STC1: variants seen among roughly 807,000 people sequenced by gnomAD.
STC1 encodes the protein stanniocalcin 1.
STC1 carries 7 observed loss-of-function variants against 22.6 expected under a neutral mutation model. The ratio of observed to expected loss-of-function variants is 0.31; its 90% confidence interval spans 0.18 to 0.58. STC1 has a LOEUF of 0.58. Ranked by LOEUF, STC1 falls within the 20% of genes least tolerant of loss-of-function variation. STC1 has a pLI of 0.89. For synonymous variants in STC1, 113 were observed against 120.7 expected, an observed-to-expected ratio of 0.94 and a Z score of 0.42; for missense variants, 224 against 311.0, an observed-to-expected ratio of 0.72 and a Z score of 2.10.
chr8:23,845,094 A>T, intron 3 of STC1, 54 bp from the exon 4 acceptor site: 1 of 1,584,050 alleles, frequency 6.3e-7, no homozygotes. Flanking sequence ...GCCCGGCGAG[A>T]CCCAGGCTTT....
At chr8:23,845,087 C>T (rs373827039) in intron 3 of STC1, 47 bp from the exon 4 acceptor site, 80 of 1,592,972 alleles carry the variant, frequency 5.0e-5, no homozygotes, top group African/African-American at 1.9e-4. Flanking sequence ...AGTGAGAGCC[C>T]GGCGAGACCC....
chr8:23,851,578 A>T, intron 2 of STC1, 47 bp from the exon 3 acceptor site: 1 of 1,581,154 alleles, frequency 6.3e-7, no homozygotes, highest in East Asian at 2.2e-5. Context: ...TTGACCTGAC[A>T]AAGAGGATGG....
At chr8:23,845,965 C>T (rs1314085234) in intron 3 of STC1, among the ~76,000 whole-genome samples, 2 of 152,172 alleles carry the variant, frequency 1.3e-5, no homozygotes, top group Non-Finnish European at 2.9e-5. Flanking sequence ...TTACTGAAGG[C>T]AGGATTTGTG....
In STC1 at chr8:23,852,363, T is replaced by C. The variant is rs531503847; in HGVS notation, c.140A>G (p.Asn47Ser). The change falls in exon 2 of 4, where the codon AAC (asparagine) becomes AGC (serine). Residue 47 changes from asparagine to serine, a missense_variant. Transcript: ENST00000290271. ...CCCGCAGCCGACCTGTAGAGCACTG[T>C]TGAGGCAACGAACCACTTCAGCTGA... ...QNSAEVVRCLNSALQVGCGAF... is the reference protein window; with the variant it reads ...QNSAEVVRCLSSALQVGCGAF... The C allele has an allele frequency of 5.2e-5, 83 of 1,606,322 alleles. No homozygotes were observed. In the South Asian group the frequency reaches 6.7e-4, roughly 13 times the overall value.
At chr8:23,854,314 C>A in intron 1 of STC1, 92 bp downstream of exon 1, 1 of 1,199,356 alleles carries the variant, frequency 8.3e-7, no homozygotes. Context: ...CATTTATTAT[C>A]AAGATCAGCC....
chr8:23,850,508 C>T (rs551183459), intron 3 of STC1, among the ~76,000 whole-genome samples: 3 of 152,280 alleles, frequency 2.0e-5, no homozygotes, highest in Admixed American at 2.0e-4. Context: ...TTGCTGGGAA[C>T]CTTTCCAGGC....
rs1373703492 is a variant in STC1 at position 23,854,555 on chromosome 8, T to G, written c.-32A>C. The stretch of plus-strand genomic sequence containing the variant: ...AGAAGTTTCCGCTAAGTTGTTGGGT[T>G]TTTTTTTTTTCCTGCCCCCCTTTCC... On this transcript the variant is annotated 5_prime_UTR_variant, in exon 1 of 4. Coordinates refer to ENST00000290271, the MANE Select transcript of STC1 (RefSeq NM_003155.3). The G allele has an allele frequency of 1.3e-6, 2 of 1,513,426 alleles. No individual in the cohort carries two copies. Among genetic ancestry groups the G allele is most frequent in the Non-Finnish European group, 1.8e-6 (2 of 1,099,720 alleles). 93.7% of individuals were successfully genotyped at this position (1,513,426 alleles called of 1,614,324 possible). A position where few individuals can be genotyped will look rare whatever the true frequency, so the allele number is the denominator to read the frequency against.
In STC1 at chr8:23,844,498, G is replaced by GA. The variant is rs3840699; in HGVS notation, c.*271dup. 1 of 472,004 alleles carries GA rather than the reference G, an allele frequency of 2.1e-6. No homozygotes were observed. The highest frequency in any genetic ancestry group is 2.6e-5 in the South Asian group (1 of 38,888). 29.2% of individuals were successfully genotyped at this position (472,004 alleles called of 1,614,324 possible). The stretch of plus-strand genomic sequence containing the variant: ...TGGGGGTGGTCTCAGGGGAGCAGGG[G>GA]AAAAACATGGCAGAGGAAGTTGGTA... On this transcript the variant is annotated 3_prime_UTR_variant, in exon 4 of 4. Transcript: ENST00000290271.
rs1213143478 is a variant in STC1 at position 23,841,989 on chromosome 8, T to G, written c.*2781A>C. On this transcript the variant is annotated 3_prime_UTR_variant, in exon 4 of 4. Coordinates refer to ENST00000290271, the MANE Select transcript of STC1 (RefSeq NM_003155.3). ...AAGGAATTCACCAAAGGCTTCATATTATGCTATGGCATCTTTAATTATAAA... is the reference window on the plus strand; with the variant it reads ...AAGGAATTCACCAAAGGCTTCATATGATGCTATGGCATCTTTAATTATAAA... The G allele has an allele frequency of 2.0e-5, 3 of 152,630 alleles. No homozygotes were observed. The highest frequency in any genetic ancestry group is 7.2e-5 in the African/African-American group (3 of 41,450). The allele number at this position is 152,630 out of a possible 1,614,324, so 9.5% of individuals were successfully genotyped here.
intron 3 of STC1, among the ~76,000 whole-genome samples, chr8:23,847,012 G>C (rs1802581275): frequency 6.6e-6 from 1 of 152,148 alleles, no homozygotes; most frequent in Non-Finnish European, 1.5e-5. Context: ...AGATCCTGGT[G>C]GGTGGTTTCT....
At position 23,844,760 on chromosome 8, in the gene STC1, C is replaced by T; in HGVS notation, c.*10G>A. The T allele has an allele frequency of 6.2e-7, 1 of 1,611,416 alleles. No homozygotes were observed. Among genetic ancestry groups the T allele is most frequent in the East Asian group, 2.2e-5 (1 of 44,808 alleles). ...CTAGTTTGGTGAGGTTGTGAATAAC[C>T]TCTCCCTGGTTATGCACTCTCATGG... On this transcript the variant is annotated 3_prime_UTR_variant, in exon 4 of 4. Coordinates refer to ENST00000290271, the MANE Select transcript of STC1 (RefSeq NM_003155.3).
At position 23,854,731 on chromosome 8, in the gene STC1, CT is replaced by C; in HGVS notation, c.-209del. On this transcript the variant is annotated 5_prime_UTR_variant, in exon 1 of 4. Transcript: ENST00000290271. ...GCTGCTGCTGCTGCTGCCGCCGCTG[CT>C]GCTGCTGCTGCCACCGCCGCTGCTG... The C allele has an allele frequency of 1.5e-6, 1 of 658,160 alleles. No homozygotes were observed. Among genetic ancestry groups the C allele is most frequent in the Admixed American group, 2.1e-5 (1 of 46,530 alleles). The allele number at this position is 658,160 out of a possible 1,614,324, so 40.8% of individuals were successfully genotyped here.
Position 23,854,749 on chromosome 8 carries a change from C to CTG in STC1, c.-227_-226insCA. ...GCCGCTGCTGCTGCTGCTGCCACCG[C>CTG]CGCTGCTGCTGCTGCTGCTGCAGTC... On this transcript the variant is annotated 5_prime_UTR_variant, in exon 1 of 4. Coordinates refer to ENST00000290271, the MANE Select transcript of STC1 (RefSeq NM_003155.3). The CTG allele has an allele frequency of 1.6e-6, 1 of 645,098 alleles. No individual in the cohort carries two copies. The highest frequency in any genetic ancestry group is 2.2e-5 in the Admixed American group (1 of 45,764). 40.0% of individuals were successfully genotyped at this position (645,098 alleles called of 1,614,324 possible).
intron 3 of STC1, among the ~76,000 whole-genome samples, chr8:23,850,585 A>T (rs1802626355): frequency 1.3e-5 from 2 of 152,174 alleles, no homozygotes; most frequent in African/African-American, 4.8e-5. Flanking sequence ...TGGTAAAAAC[A>T]CTGAAAAGTA....
At chr8:23,851,168 C>G in intron 3 of STC1, 152 bp downstream of exon 3, 1 of 753,726 alleles carries the variant, frequency 1.3e-6, no homozygotes, top group South Asian at 1.7e-5. Context: ...CAACCAATCA[C>G]AAACATATTT....
At position 23,851,381 on chromosome 8, in the gene STC1, C is replaced by A; in HGVS notation, c.412G>T (p.Ala138Ser). 2 of 1,614,108 alleles carry A rather than the reference C, an allele frequency of 1.2e-6. No homozygotes were observed. The highest frequency in any genetic ancestry group is 1.7e-6 in the Non-Finnish European group (2 of 1,180,026). ...CYSKLNVCSIAKRNPEAITEV... is the reference protein window; with the variant it reads ...CYSKLNVCSISKRNPEAITEV... ...GTGATGGCTTCAGGGTTCCGCTTGG[C>A]GATGCTGCACACATTCAGCTTGCTG... is the stretch of plus-strand genomic sequence containing the variant. Residue 138 changes from alanine to serine, a missense_variant, in exon 3 of 4, where the codon GCC (alanine) becomes TCC (serine). Coordinates refer to ENST00000290271, the MANE Select transcript of STC1 (RefSeq NM_003155.3).
chr8:23,844,879 T>G lies in STC1; in HGVS notation c.635A>C (p.Asn212Thr). The G allele has an allele frequency of 6.2e-7, 1 of 1,614,120 alleles. No individual in the cohort carries two copies. Among genetic ancestry groups the G allele is most frequent in the East Asian group, 2.2e-5 (1 of 44,844 alleles). The part of the protein sequence containing the change: ...CAQTHPRADF[N>T]RRRTNEPQKL... ...CTGCGGCTCATTGGTGCGTCTCCTG[T>G]TGAAGTCAGCTCGTGGGTGTGTTTG... Residue 212 changes from asparagine (N) to threonine (T), a missense_variant, in exon 4 of 4, where the codon AAC becomes ACC. Physicochemically the swap from Asn to Thr is moderately conservative, Grantham distance 65. Transcript: ENST00000290271.
In STC1 at chr8:23,852,388, A is replaced by G. The variant is rs1802648622; in HGVS notation, c.119-4T>C. 6.3e-7 allele frequency: 1 copy of G among 1,589,740 alleles called. No individual in the cohort carries two copies. The highest frequency in any genetic ancestry group is 2.2e-5 in the East Asian group (1 of 44,786). On this transcript the variant is annotated splice_polypyrimidine_tract_variant and splice_region_variant and intron_variant, in intron 1 of 3. Coordinates refer to ENST00000290271, the MANE Select transcript of STC1 (RefSeq NM_003155.3). ...TTGAGGCAACGAACCACTTCAGCTG[A>G]AAGAGACAAATCCATCCATTCTGGG...
chr8:23,849,202 T>C (rs551407698), intron 3 of STC1, among the ~76,000 whole-genome samples: 4 of 152,334 alleles, frequency 2.6e-5, no homozygotes, highest in East Asian at 1.9e-4. Flanking sequence ...TCTGTGCCAA[T>C]TGGCACTGAC....
Sources: gnomAD v4.1 joint callset for allele counts (sites outside exome capture counted in the v4.1 genomes callset) on GRCh38, gnomAD v4.1.1 for gene constraint, MANE v1.5 for transcripts, NCBI Gene and HGNC (gene_info 2026-07-23, HGNC 2026-07-21) for gene names.